Variants in LACTB observed in about 807,000 individuals in gnomAD.
LACTB encodes lactamase beta, also known as serine beta-lactamase-like protein LACTB, mitochondrial.
Under a neutral mutation model 50.2 loss-of-function variants are expected in LACTB, and 35 were observed. The observed-to-expected ratio is 0.70, with a 90% CI of 0.53 to 0.92. LACTB has a LOEUF of 0.92. LACTB is among the 40% of genes least tolerant of loss of function. The pLI, the probability that LACTB is intolerant of heterozygous loss-of-function variation, is 0.00. For missense variants in LACTB, 664 were observed against 691.8 expected (o/e 0.96, Z 0.45); for synonymous variants, 252 against 268.2 (o/e 0.94, Z 0.59).
At chr15:63,125,484 AG>A (rs1481748515) in intron 2 of LACTB, among the ~76,000 whole-genome samples, 2 of 152,160 alleles carry the variant, frequency 1.3e-5, no homozygotes, top group Non-Finnish European at 2.9e-5. Flanking sequence ...TTTTTAAAAA[AG>A]GAAAATGATT....
rs778165901 is a variant in LACTB, at chr15:63,127,640, A to G, written c.903A>G (p.Ser301=). ...ATTTGAGAGAAAAGTTTGAAAATTC[A>G]ATTGAATCCCTAAGATTATTTAAAA... ...ELYLREKFEN[S]IESLRLFKND... Residue 301 remains serine (S), a synonymous_variant, in exon 4 of 6, where the codon TCA becomes TCG. Coordinates refer to ENST00000261893, the MANE Select transcript of LACTB (RefSeq NM_032857.5). 6.2e-7 allele frequency: 1 copy of G among 1,608,972 alleles called. No individual in the cohort carries two copies. The highest frequency in any genetic ancestry group is 1.1e-5 in the South Asian group (1 of 90,368).
chr15:63,141,325 C>A lies in LACTB; in HGVS notation c.1164C>A (p.Tyr388Ter). The A allele has an allele frequency of 1.2e-5, 20 of 1,613,972 alleles. No individual in the cohort carries two copies. Among genetic ancestry groups the A allele is most frequent in the Non-Finnish European group, 1.7e-5 (20 of 1,179,900 alleles). ...AGAAACGTCTTGTCAACACACCTTA[C>A]GTGGATAACTCCTATAAATGGGCTG... The part of the protein sequence containing the change: ...NKKKRLVNTP[Y>*]VDNSYKWAGG... Residue 388 changes from tyrosine (Y) to a stop codon, truncating the protein, a stop_gained, in exon 6 of 6, where the codon TAC (tyrosine) becomes TAA (stop). Coordinates refer to ENST00000261893, the MANE Select transcript of LACTB (RefSeq NM_032857.5). LOFTEE classifies it high-confidence loss of function.
intron 5 of LACTB, among the ~76,000 whole-genome samples, chr15:63,133,806 T>C (rs1283924125): frequency 6.6e-6 from 1 of 152,182 alleles, no homozygotes; most frequent in Non-Finnish European, 1.5e-5. Context: ...TTATAAACAT[T>C]TGAGCTTATT....
chr15:63,142,012 A>C lies in LACTB; in HGVS notation c.*207A>C, dbSNP rs1272265887. ...TCAGGGAAGTAATTATATTGTTTTT[A>C]CTTTTTGAAAAAAGTGTTAACTCTT... On this transcript the variant is annotated 3_prime_UTR_variant, in exon 6 of 6. Transcript: ENST00000261893. The C allele has an allele frequency of 2.1e-6, 1 of 481,220 alleles. No homozygotes were observed. The highest frequency in any genetic ancestry group is 3.6e-6 in the Non-Finnish European group (1 of 274,338). The allele number at this position is 481,220 out of a possible 1,614,324, so 29.8% of individuals were successfully genotyped here.
chr15:63,124,439 A>G (rs928364964), intron 2 of LACTB, among the ~76,000 whole-genome samples: 28 of 152,022 alleles, frequency 1.8e-4, no homozygotes, highest in Non-Finnish European at 1.5e-5. Context: ...CCCACACACT[A>G]TTCCTTGTCT....
Position 63,141,761 on chromosome 15 carries a change from G to T in LACTB, c.1600G>T (p.Ala534Ser). The T allele has an allele frequency of 6.2e-7, 1 of 1,613,714 alleles. No individual in the cohort carries two copies. The highest frequency in any genetic ancestry group is 8.5e-7 in the Non-Finnish European group (1 of 1,179,700). The stretch of plus-strand genomic sequence containing the variant: ...GCAATCTGTTGGCCTCAATAGCACC[G>T]CTTTGAAGATTGCCCTTGAATTTGA... ...NMQSVGLNST[A>S]LKIALEFDKD... Residue 534 changes from alanine to serine, a missense_variant, in exon 6 of 6, where the codon GCT becomes TCT. Transcript: ENST00000261893.
intron 5 of LACTB, among the ~76,000 whole-genome samples, chr15:63,132,234 CTCT>C (rs1257563029): frequency 3.3e-5 from 5 of 152,120 alleles, no homozygotes; most frequent in African/African-American, 1.2e-4. Context: ...TCCTTGGTGT[CTCT>C]TGTTTCCATC....
intron 4 of LACTB, among the ~76,000 whole-genome samples, chr15:63,128,890 C>T (rs2037092565): frequency 6.6e-6 from 1 of 151,940 alleles, no homozygotes; most frequent in South Asian, 2.1e-4. Context: ...ATTATGGGTG[C>T]CCGCCACCAC....
chr15:63,136,042 CTTTT>C (rs55680025), intron 5 of LACTB, among the ~76,000 whole-genome samples: 18 of 132,554 alleles, frequency 1.4e-4, no homozygotes, highest in Admixed American at 4.6e-4. Context: ...ATTTTCTTTT[CTTTT>C]TTTTTTTTTT....
In LACTB at chr15:63,141,887, G is replaced by T. The variant is rs1032902171; in HGVS notation, c.*82G>T. 11 of 1,193,820 alleles carry T rather than the reference G, an allele frequency of 9.2e-6. No individual in the cohort carries two copies. In the Admixed American group the frequency reaches 2.6e-4, roughly 29 times the overall value. The allele number at this position is 1,193,820 out of a possible 1,614,324, so 74.0% of individuals were successfully genotyped here. A position where few individuals can be genotyped will look rare whatever the true frequency, so the allele number is the denominator to read the frequency against. On this transcript the variant is annotated 3_prime_UTR_variant, in exon 6 of 6. Coordinates refer to ENST00000261893, the MANE Select transcript of LACTB (RefSeq NM_032857.5). Reference sequence around the variant, plus strand: ...AAGTTCCAAAACATGACATTTTTAAGAATAAATTTGAAATAGAGTATAACT... The same window carrying T: ...AAGTTCCAAAACATGACATTTTTAATAATAAATTTGAAATAGAGTATAACT...
At chr15:63,140,729 C>A (rs190851345) in intron 5 of LACTB, among the ~76,000 whole-genome samples, 4 of 152,240 alleles carry the variant, frequency 2.6e-5, no homozygotes, top group Admixed American at 2.6e-4. Context: ...GATCCTCCTG[C>A]CTTAGCCTCC....
At chr15:63,136,124 C>T (rs1030471202) in intron 5 of LACTB, among the ~76,000 whole-genome samples, 2 of 151,304 alleles carry the variant, frequency 1.3e-5, no homozygotes, top group African/African-American at 4.9e-5. Flanking sequence ...TCACTGCAGC[C>T]TTGAACTCCC....
intron 5 of LACTB, among the ~76,000 whole-genome samples, chr15:63,133,583 C>G (rs1242622977): frequency 6.6e-6 from 1 of 152,136 alleles, no homozygotes; most frequent in Non-Finnish European, 1.5e-5. Context: ...ACCCTGCTCT[C>G]CAGCCTGGGT....
At chr15:63,134,713 T>G (rs1976433) in intron 5 of LACTB, among the ~76,000 whole-genome samples, 111,720 of 152,022 alleles carry the variant, frequency 0.73, 41,664 homozygotes, top group East Asian at 1. Flanking sequence ...TTATTACTAA[T>G]GAAGAAGAGT....
At chr15:63,133,664 A>G (rs1446165258) in intron 5 of LACTB, among the ~76,000 whole-genome samples, 5 of 152,224 alleles carry the variant, frequency 3.3e-5, no homozygotes. Context: ...GCACAAGACT[A>G]TATGAAAGTG....
rs1400065234 is a variant in LACTB at position 63,122,195 on chromosome 15, C to T, written c.324C>T (p.Ile108=). The stretch of plus-strand genomic sequence containing the variant: ...GCTCCAGGTGCTTCGCCAGAGCCAT[C>T]GAGAGCAGCCGCGACCTGCTGCACA... ...PPCSRCFARA[I]ESSRDLLHRI... is the part of the protein sequence containing the mutation. Residue 108 remains isoleucine, a synonymous_variant, in exon 1 of 6, where the codon ATC becomes ATT. Coordinates refer to ENST00000261893, the MANE Select transcript of LACTB (RefSeq NM_032857.5). The T allele has an allele frequency of 9.1e-6, 14 of 1,544,160 alleles. No individual in the cohort carries two copies. The highest frequency in any genetic ancestry group is 1.0e-5 in the Non-Finnish European group (12 of 1,154,280).
intron 2 of LACTB, among the ~76,000 whole-genome samples, chr15:63,123,053 A>G (rs998279643): frequency 6.6e-6 from 1 of 152,230 alleles, no homozygotes; most frequent in African/African-American, 2.4e-5. Context: ...TGTATATACT[A>G]TATTTTATCT....
intron 5 of LACTB, among the ~76,000 whole-genome samples, chr15:63,140,425 A>T (rs186828932): frequency 7.9e-5 from 12 of 152,290 alleles, no homozygotes; most frequent in Admixed American, 7.8e-4. Context: ...ACAATGAGAA[A>T]ACCACCTCTT....
intron 2 of LACTB, among the ~76,000 whole-genome samples, chr15:63,124,163 C>G (rs1045866632): frequency 1.3e-5 from 2 of 152,244 alleles, no homozygotes; most frequent in African/African-American, 4.8e-5. Context: ...TAACAGAACG[C>G]TCGCAGTCTT....
Sources: gnomAD v4.1 joint callset for allele counts (sites outside exome capture counted in the v4.1 genomes callset) on GRCh38, gnomAD v4.1.1 for gene constraint, MANE v1.5 for transcripts, NCBI Gene and HGNC (gene_info 2026-07-23, HGNC 2026-07-21) for gene names.